VWA8: variants seen among roughly 807,000 people sequenced by gnomAD.
The protein encoded by VWA8 is von Willebrand factor A domain-containing protein 8.
A neutral mutation model predicts 241.5 loss-of-function variants in VWA8; 221 were observed. The ratio of observed to expected loss-of-function variants is 0.91; its 90% confidence interval spans 0.82 to 1.02. The LOEUF (loss-of-function observed/expected upper bound fraction) is 1.02, where lower values mean the gene tolerates loss of function less well. Among genes scored for constraint, VWA8 ranks in the 50% least tolerant of loss-of-function variants. VWA8 has a pLI of 0.00. For missense variants in VWA8, 2,322 were observed against 2,328.7 expected, an observed-to-expected ratio of 1.00 and a Z score of 0.06; for synonymous variants, 852 against 827.1, an observed-to-expected ratio of 1.03 and a Z score of -0.52.
chr13:41,853,634 A>G (rs1336371931), intron 12 of VWA8, among the ~76,000 whole-genome samples: 2 of 151,976 alleles, frequency 1.3e-5, no homozygotes, highest in Non-Finnish European at 2.9e-5. Flanking sequence ...GAATTTACCA[A>G]TTTCTTTTAA....
intron 28 of VWA8, 79 bp downstream of exon 28, chr13:41,701,313 G>A: frequency 1.4e-6 from 2 of 1,443,608 alleles, no homozygotes; most frequent in South Asian, 3.2e-5. Context: ...TAAACTTTTT[G>A]ATGTCTAGAG....
At chr13:41,950,705 G>A (rs1390430741) in intron 1 of VWA8, among the ~76,000 whole-genome samples, 1 of 123,100 alleles carries the variant, frequency 8.1e-6, no homozygotes, top group Non-Finnish European at 1.6e-5. Flanking sequence ...CTCTTATTCT[G>A]CCACCCAGGC....
chr13:41,859,893 C>A (rs1872930775), intron 12 of VWA8, among the ~76,000 whole-genome samples: 1 of 152,192 alleles, frequency 6.6e-6, no homozygotes, highest in Non-Finnish European at 1.5e-5. Flanking sequence ...GAAGTCTCCA[C>A]ATCTTCTAGG....
chr13:41,658,106 T>G (rs2044921871), intron 37 of VWA8, among the ~76,000 whole-genome samples: 1 of 152,246 alleles, frequency 6.6e-6, no homozygotes, highest in Admixed American at 6.5e-5. Context: ...AGCTATACAG[T>G]GTTTCCTAAC....
chr13:41,670,332 T>A (rs2045013388), intron 37 of VWA8, among the ~76,000 whole-genome samples: 1 of 151,308 alleles, frequency 6.6e-6, no homozygotes, highest in Non-Finnish European at 1.5e-5. Flanking sequence ...GCAACTAGAT[T>A]GATTAGATGA....
intron 2 of VWA8, among the ~76,000 whole-genome samples, chr13:41,942,955 A>G (rs755936878): frequency 3.9e-5 from 6 of 152,224 alleles, no homozygotes; most frequent in Non-Finnish European, 7.3e-5. Flanking sequence ...CAAGCAGAAT[A>G]TAAGACTGAA....
chr13:41,746,115 G>T (rs1236378397), intron 21 of VWA8, among the ~76,000 whole-genome samples: 1 of 152,040 alleles, frequency 6.6e-6, no homozygotes, highest in African/African-American at 2.4e-5. Context: ...ATCAAATTTG[G>T]AAAAATATGA....
At chr13:41,891,180 G>C (rs1400456392) in intron 5 of VWA8, among the ~76,000 whole-genome samples, 1 of 148,950 alleles carries the variant, frequency 6.7e-6, no homozygotes, top group Non-Finnish European at 1.5e-5. Context: ...AAATGGAAAA[G>C]AGAATAGTTA....
chr13:41,604,215 G>A (rs763867297), intron 40 of VWA8, among the ~76,000 whole-genome samples: 4 of 152,134 alleles, frequency 2.6e-5, no homozygotes, highest in Non-Finnish European at 5.9e-5. Flanking sequence ...CTTGTCAAAT[G>A]AGTGACTATG....
At chr13:41,892,653 T>C (rs917765959) in intron 4 of VWA8, among the ~76,000 whole-genome samples, 1 of 152,194 alleles carries the variant, frequency 6.6e-6, no homozygotes, top group South Asian at 2.1e-4. Flanking sequence ...CCCTCATTAG[T>C]ACCTCATATG....
At chr13:41,905,549 A>G (rs998428030) in intron 4 of VWA8, among the ~76,000 whole-genome samples, 1 of 152,124 alleles carries the variant, frequency 6.6e-6, no homozygotes, top group Non-Finnish European at 1.5e-5. Flanking sequence ...AAAGACAAAC[A>G]TAAAAATGGC....
intron 37 of VWA8, among the ~76,000 whole-genome samples, chr13:41,648,431 A>G (rs2044846809): frequency 6.6e-6 from 1 of 152,226 alleles, no homozygotes; most frequent in Non-Finnish European, 1.5e-5. Context: ...TCCCCAGAAA[A>G]GTAAACAAGG....
chr13:41,570,400 A>T (rs2044292317), intron 44 of VWA8, 68 bp downstream of exon 44: 1 of 1,421,596 alleles, frequency 7.0e-7, no homozygotes, highest in African/African-American at 1.4e-5. Flanking sequence ...TAAGCCTATA[A>T]AACAGCATGT....
At chr13:41,946,749 T>G (rs1031597917) in intron 2 of VWA8, among the ~76,000 whole-genome samples, 4 of 151,654 alleles carry the variant, frequency 2.6e-5, no homozygotes, top group Non-Finnish European at 5.9e-5. Context: ...GAACCTTGGG[T>G]TAGATGAAAG....
At chr13:41,847,286 G>A (rs1872331831) in intron 12 of VWA8, among the ~76,000 whole-genome samples, 2 of 152,088 alleles carry the variant, frequency 1.3e-5, no homozygotes, top group South Asian at 4.1e-4. Context: ...ATAGTAGTTG[G>A]TACTACACAG....
intron 25 of VWA8, among the ~76,000 whole-genome samples, chr13:41,720,628 A>T (rs2045382050): frequency 6.6e-6 from 1 of 152,070 alleles, no homozygotes; most frequent in South Asian, 2.1e-4. Context: ...TGTGCAATAG[A>T]TCTCAAAAAC....
At chr13:41,795,239 A>C (rs1439611821) in intron 17 of VWA8, among the ~76,000 whole-genome samples, 1 of 152,192 alleles carries the variant, frequency 6.6e-6, no homozygotes, top group African/African-American at 2.4e-5. Context: ...AATCAAAACC[A>C]CAATGAGGTA....
chr13:41,681,743 C>T (rs959397225), intron 35 of VWA8, among the ~76,000 whole-genome samples: 3 of 152,042 alleles, frequency 2.0e-5, no homozygotes, highest in African/African-American at 4.8e-5. Flanking sequence ...ACACTCTTCC[C>T]GTCCCCAAAT....
At chr13:41,705,895 CCT>C (rs1207022001) in intron 26 of VWA8, among the ~76,000 whole-genome samples, 2 of 152,090 alleles carry the variant, frequency 1.3e-5, no homozygotes, top group African/African-American at 4.8e-5. Context: ...GAACAGATCC[CCT>C]GATAGATACA....
Sources: gnomAD v4.1 joint callset for allele counts (sites outside exome capture counted in the v4.1 genomes callset) on GRCh38, gnomAD v4.1.1 for gene constraint, MANE v1.5 for transcripts, NCBI Gene and HGNC (gene_info 2026-07-23, HGNC 2026-07-21) for gene names.